The following FILIP1 variants were observed in gnomAD, a reference collection of about 807,000 sequenced individuals.
The protein encoded by FILIP1 is filamin A interacting protein 1.
Under a neutral mutation model 102.1 loss-of-function variants are expected in FILIP1, and 61 were observed. That is an observed-to-expected ratio of 0.60 (90% CI 0.49 to 0.74). FILIP1 has a LOEUF of 0.74. Among genes scored for constraint, FILIP1 ranks in the 30% least tolerant of loss-of-function variants. The pLI is 0.00. For synonymous variants in FILIP1, 491 were observed against 526.9 expected, an observed-to-expected ratio of 0.93 and a Z score of 0.93; for missense variants, 1,314 against 1,441.2, an observed-to-expected ratio of 0.91 and a Z score of 1.43.
At chr6:75,457,674 C>T (rs2149745061) in intron 1 of FILIP1, among the ~76,000 whole-genome samples, 1 of 151,172 alleles carries the variant, frequency 6.6e-6, no homozygotes, top group South Asian at 2.1e-4. Context: ...ATGCCCTAAG[C>T]ACATATTTAG....
At chr6:75,339,961 A>T (rs916406631) in intron 4 of FILIP1, among the ~76,000 whole-genome samples, 46 of 151,876 alleles carry the variant, frequency 3.0e-4, no homozygotes, top group Non-Finnish European at 3.2e-4. Context: ...TAAATAAATA[A>T]ATATATATAT....
Position 75,308,540 on chromosome 6 carries a change from T to C in FILIP1, c.*151A>G, listed in dbSNP as rs1004411356. 7 of 1,460,624 alleles carry C rather than the reference T, an allele frequency of 4.8e-6. No homozygotes were observed. Among genetic ancestry groups the C allele is most frequent in the Non-Finnish European group, 5.4e-6 (6 of 1,110,438 alleles). 90.5% of individuals were successfully genotyped at this position (1,460,624 alleles called of 1,614,324 possible). A position where few individuals can be genotyped will look rare whatever the true frequency, so the allele number is the denominator to read the frequency against. On this transcript the variant is annotated 3_prime_UTR_variant, in exon 6 of 6. Transcript: ENST00000237172. ...CCAGCATCAAAACAAATGCACAAAA[T>C]GGGAAAGACAAATGGTTATTAGTTG...
At chr6:75,321,080 T>G (rs1234334980) in intron 4 of FILIP1, among the ~76,000 whole-genome samples, 1 of 151,994 alleles carries the variant, frequency 6.6e-6, no homozygotes, top group Non-Finnish European at 1.5e-5. Flanking sequence ...CTTCTCCCTC[T>G]CCTTCTTCTT....
At chr6:75,477,735 A>G (rs1171625201) in intron 1 of FILIP1, among the ~76,000 whole-genome samples, 1 of 152,188 alleles carries the variant, frequency 6.6e-6, no homozygotes, top group Non-Finnish European at 1.5e-5. Flanking sequence ...ATTTGTACAC[A>G]TCCAGGCCTG....
At chr6:75,487,488 G>A (rs151317803) in intron 1 of FILIP1, among the ~76,000 whole-genome samples, 153 of 152,238 alleles carry the variant, frequency 1.0e-3, no homozygotes, top group Middle Eastern at 6.8e-3. Context: ...TAAGATGTAA[G>A]TATATGAAAG....
In FILIP1 at chr6:75,470,400, G is replaced by A. The variant is rs1204360637; in HGVS notation, c.-7+23014C>T. Among the ~76,000 whole-genome samples the A allele has an allele frequency of 2.0e-5, 3 of 152,130 alleles. No homozygotes were observed. In the East Asian group the frequency reaches 5.8e-4, roughly 29 times the overall value. On this transcript the variant is annotated intron_variant, in intron 1 of 5. Transcript: ENST00000237172. ...ATTTATAGAAAGTATAGTCAATAAGGCCACAGACTCTAAATCTAGATCCAC... is the reference window on the plus strand; with the variant it reads ...ATTTATAGAAAGTATAGTCAATAAGACCACAGACTCTAAATCTAGATCCAC...
intron 3 of FILIP1, chr6:75,358,754 G>C (rs1775084901): frequency 6.6e-6 from 1 of 151,760 alleles, no homozygotes; most frequent in Non-Finnish European, 1.5e-5. Flanking sequence ...ACAGAGTCTT[G>C]CTCTGTCACC....
intron 5 of FILIP1, 86 bp downstream of exon 5, chr6:75,312,311 T>G: frequency 7.6e-7 from 1 of 1,323,000 alleles, no homozygotes; most frequent in Non-Finnish European, 1.0e-6. Flanking sequence ...AGCATGTGGC[T>G]GGGTTTTACT....
intron 1 of FILIP1, among the ~76,000 whole-genome samples, chr6:75,488,104 C>T (rs1231026139): frequency 6.6e-6 from 1 of 152,090 alleles, no homozygotes; most frequent in South Asian, 2.1e-4. Context: ...CACATTGACA[C>T]CACTTCCCAA....
chr6:75,385,275 G>C (rs1776050395), intron 2 of FILIP1, among the ~76,000 whole-genome samples: 1 of 152,008 alleles, frequency 6.6e-6, no homozygotes, highest in South Asian at 2.1e-4. Context: ...ATCTCACATA[G>C]GAATTAATTC....
At chr6:75,366,626 C>T (rs546724736) in intron 2 of FILIP1, among the ~76,000 whole-genome samples, 3 of 152,258 alleles carry the variant, frequency 2.0e-5, no homozygotes, top group South Asian at 2.1e-4. Context: ...AGACGCCTAA[C>T]ATAAAACTTG....
At chr6:75,332,607 G>T (rs1774118827) in intron 4 of FILIP1, among the ~76,000 whole-genome samples, 1 of 152,198 alleles carries the variant, frequency 6.6e-6, no homozygotes, top group South Asian at 2.1e-4. Flanking sequence ...ATTGCCACAG[G>T]AAATTCTCTC....
At chr6:75,489,612 C>T (rs1470054129) in intron 1 of FILIP1, among the ~76,000 whole-genome samples, 3 of 151,952 alleles carry the variant, frequency 2.0e-5, no homozygotes, top group African/African-American at 7.2e-5. Context: ...CCTCTTTTTA[C>T]AGATGAAGAA....
chr6:75,347,630 A>G (rs1774636348), intron 4 of FILIP1, among the ~76,000 whole-genome samples: 1 of 152,202 alleles, frequency 6.6e-6, no homozygotes, highest in Non-Finnish European at 1.5e-5. Context: ...CAGATATGAA[A>G]CTTTTCCTAT....
At chr6:75,468,994 C>T (rs544869577) in intron 1 of FILIP1, among the ~76,000 whole-genome samples, 1 of 151,998 alleles carries the variant, frequency 6.6e-6, no homozygotes, top group African/African-American at 2.4e-5. Flanking sequence ...GAAACTTTAC[C>T]ACTCACAGTA....
chr6:75,389,135 G>A (rs539192168), intron 2 of FILIP1, among the ~76,000 whole-genome samples: 2 of 152,230 alleles, frequency 1.3e-5, no homozygotes, highest in East Asian at 1.9e-4. Flanking sequence ...TAATCATGTG[G>A]TGTTTGTTAC....
intron 1 of FILIP1, among the ~76,000 whole-genome samples, chr6:75,434,540 G>T (rs1777948307): frequency 2.6e-5 from 4 of 152,208 alleles, no homozygotes; most frequent in African/African-American, 9.7e-5. Context: ...CACTGATTTT[G>T]TATCCTGAGA....
At chr6:75,436,502 G>T (rs548007931) in intron 1 of FILIP1, among the ~76,000 whole-genome samples, 2 of 152,172 alleles carry the variant, frequency 1.3e-5, no homozygotes, top group African/African-American at 4.8e-5. Flanking sequence ...GTTAGAAGTA[G>T]GTACAAGGGA....
At chr6:75,471,815 A>G (rs1266769045) in intron 1 of FILIP1, among the ~76,000 whole-genome samples, 1 of 152,188 alleles carries the variant, frequency 6.6e-6, no homozygotes, top group Admixed American at 6.5e-5. Context: ...AATAATGTAT[A>G]TATCATTTAT....
Sources: gnomAD v4.1 joint callset for allele counts (sites outside exome capture counted in the v4.1 genomes callset) on GRCh38, gnomAD v4.1.1 for gene constraint, MANE v1.5 for transcripts, NCBI Gene and HGNC (gene_info 2026-07-23, HGNC 2026-07-21) for gene names.